The following FCAR variants were observed in gnomAD, a reference collection of about 807,000 sequenced individuals.
FCAR encodes the protein Fc alpha receptor.
FCAR carries 21 observed loss-of-function variants against 27.1 expected under a neutral mutation model. The ratio of observed to expected loss-of-function variants is 0.77; its 90% CI spans 0.55 to 1.11. FCAR has a LOEUF of 1.11. Ranked by LOEUF, FCAR falls within the 50% of genes most tolerant of loss-of-function variation. FCAR has a pLI of 0.00. For synonymous variants in FCAR, 134 were observed against 135.8 expected (o/e 0.99, Z 0.09); for missense variants, 404 against 358.4 (o/e 1.13, Z -1.03).
At chr19:54,886,785 C>T (rs2066756394) in intron 3 of FCAR, among the ~76,000 whole-genome samples, 1 of 152,264 alleles carries the variant, frequency 6.6e-6, no homozygotes, top group East Asian at 1.9e-4. Context: ...GGGTAGTGGT[C>T]CATTATTTTC....
chr19:54,885,591 T>C lies in FCAR; in HGVS notation c.361+66T>C, dbSNP rs1026557385. The C allele has an allele frequency of 2.4e-5, 31 of 1,272,794 alleles. No homozygotes were observed. The African/African-American group carries it at 3.0e-4, about 12-fold the overall frequency. The allele number at this position is 1,272,794 out of a possible 1,614,324, so 78.8% of individuals were successfully genotyped here. A position where few individuals can be genotyped will look rare whatever the true frequency, so the allele number is the denominator to read the frequency against. ...TTTCTTATTTTTAATAGAGTATTTT[T>C]CAAGAAGTTTTAGATTTACAAACAA... On this transcript the variant is annotated intron_variant, in intron 3 of 4. Coordinates refer to ENST00000355524, the MANE Select transcript of FCAR (RefSeq NM_002000.4).
At chr19:54,889,612 A>G (rs771106273) in intron 4 of FCAR, 37 bp from the exon 5 acceptor site, 5 of 1,552,310 alleles carry the variant, frequency 3.2e-6, no homozygotes, top group Non-Finnish European at 4.4e-6. Context: ...ATGGAACACA[A>G]CCACCAACCA....
At chr19:54,885,683 A>G (rs371677641) in intron 3 of FCAR, among the ~76,000 whole-genome samples, 158 bp downstream of exon 3, 55 of 152,374 alleles carry the variant, frequency 3.6e-4, no homozygotes, top group African/African-American at 1.3e-3. Flanking sequence ...CAGAGTTAAC[A>G]TCTTACATTA....
chr19:54,879,649 G>A (rs2066297278), intron 2 of FCAR, among the ~76,000 whole-genome samples: 1 of 150,396 alleles, frequency 6.6e-6, no homozygotes, highest in Non-Finnish European at 1.5e-5. Flanking sequence ...TAGGTGACCT[G>A]CCCCTTCTTT....
chr19:54,876,386 C>T (rs778691317), intron 2 of FCAR, among the ~76,000 whole-genome samples: 8 of 152,172 alleles, frequency 5.3e-5, no homozygotes, highest in Non-Finnish European at 8.8e-5. Flanking sequence ...TAGTGAGAGA[C>T]GGCATCCATG....
chr19:54,881,814 C>G (rs2066432622), intron 2 of FCAR, among the ~76,000 whole-genome samples: 1 of 149,978 alleles, frequency 6.7e-6, no homozygotes, highest in Non-Finnish European at 1.5e-5. Flanking sequence ...CCGGGAGGCG[C>G]AGCTTGCAGT....
rs587721662 is a variant in FCAR, at chr19:54,876,790, G to A, written c.70+1425G>A. ...AAAAAAATTAGCCAGGCGTGGTGGTGGGCACCTGTAGTCCCAGCTGCTCGG... is the reference window on the plus strand; with the variant it reads ...AAAAAAATTAGCCAGGCGTGGTGGTAGGCACCTGTAGTCCCAGCTGCTCGG... On this transcript the variant is annotated intron_variant, in intron 2 of 4. Coordinates refer to ENST00000355524, the MANE Select transcript of FCAR (RefSeq NM_002000.4). Among the ~76,000 whole-genome samples, 1,051 of 152,188 alleles carry A rather than the reference G, an allele frequency of 6.9e-3. 6 individuals carry two copies. The highest frequency in any genetic ancestry group is 0.012 in the Non-Finnish European group (828 of 68,004).
chr19:54,888,913 A>T, intron 4 of FCAR: 2 of 983,594 alleles, frequency 2.0e-6, no homozygotes, highest in Non-Finnish European at 2.4e-6. Flanking sequence ...AGAAAACACA[A>T]CCTGCCTGGC....
At chr19:54,877,678 T>C (rs931055238) in intron 2 of FCAR, among the ~76,000 whole-genome samples, 7 of 152,088 alleles carry the variant, frequency 4.6e-5, no homozygotes, top group Non-Finnish European at 1.0e-4. Context: ...CCTCTTGTTA[T>C]GATGTTAGGT....
intron 2 of FCAR, among the ~76,000 whole-genome samples, chr19:54,878,913 C>T (rs2066260166): frequency 8.0e-6 from 1 of 124,584 alleles, no homozygotes; most frequent in Non-Finnish European, 1.6e-5. Flanking sequence ...GAGTCTCACT[C>T]TGTCACCCAG....
intron 3 of FCAR, among the ~76,000 whole-genome samples, chr19:54,885,772 T>C (rs587764920): frequency 1.3e-5 from 2 of 152,332 alleles, no homozygotes; most frequent in South Asian, 4.1e-4. Context: ...TACATTTTCT[T>C]AGTTTTTACC....
At chr19:54,875,392 C>A in intron 2 of FCAR, 27 bp downstream of exon 2, 1 of 1,599,946 alleles carries the variant, frequency 6.3e-7, no homozygotes, top group Middle Eastern at 1.7e-4. Context: ...TCTCTCCCAG[C>A]CCCTTTAGAC....
chr19:54,878,111 G>A (rs1254279121), intron 2 of FCAR, among the ~76,000 whole-genome samples: 3 of 152,036 alleles, frequency 2.0e-5, no homozygotes, highest in Admixed American at 1.3e-4. Flanking sequence ...TAAAGACGGG[G>A]TTTCACTGCG....
chr19:54,886,116 C>T (rs961340722), intron 3 of FCAR, among the ~76,000 whole-genome samples: 1 of 151,790 alleles, frequency 6.6e-6, no homozygotes, highest in Non-Finnish European at 1.5e-5. Context: ...GGCCTGGTGG[C>T]ACACGCCTGT....
rs2066887634 is a variant in FCAR, at chr19:54,888,549, AT to A, written c.649+258del. 1.5e-5 allele frequency: 19 copies of A among 1,292,150 alleles called. No individual in the cohort carries two copies. The South Asian group carries it at 3.6e-4, about 24-fold the overall frequency. The allele number at this position is 1,292,150 out of a possible 1,614,324, so 80.0% of individuals were successfully genotyped here. ...TAACTCAGTTTGTTTCATTTTATTTATTTCATTTTATTTTCCGGGATAGAGT... is the reference window on the plus strand; with the variant it reads ...TAACTCAGTTTGTTTCATTTTATTTATTCATTTTATTTTCCGGGATAGAGT... On this transcript the variant is annotated intron_variant, in intron 4 of 4. Coordinates refer to ENST00000355524, the MANE Select transcript of FCAR (RefSeq NM_002000.4).
At chr19:54,883,472 C>T (rs1266828297) in intron 2 of FCAR, among the ~76,000 whole-genome samples, 1 of 152,178 alleles carries the variant, frequency 6.6e-6, no homozygotes, top group Non-Finnish European at 1.5e-5. Flanking sequence ...AGGCTGTATC[C>T]TTCCCCGGCC....
intron 2 of FCAR, among the ~76,000 whole-genome samples, chr19:54,877,019 T>A (rs1183391964): frequency 6.6e-6 from 1 of 152,206 alleles, no homozygotes; most frequent in Non-Finnish European, 1.5e-5. Flanking sequence ...TGTTGAGGAT[T>A]TTTGCATTTA....
chr19:54,875,714 C>T (rs587623569), intron 2 of FCAR, among the ~76,000 whole-genome samples: 52 of 152,284 alleles, frequency 3.4e-4, no homozygotes, highest in African/African-American at 1.2e-3. Context: ...CACTTCCTCC[C>T]GTCACTTCAT....
Position 54,889,671 on chromosome 19 carries a change from GA to G in FCAR, c.673del (p.Thr225ArgfsTer4), listed in dbSNP as rs749397946. The G allele has an allele frequency of 1.2e-6, 2 of 1,614,014 alleles. No individual in the cohort carries two copies. The highest frequency in any genetic ancestry group is 1.7e-6 in the Non-Finnish European group (2 of 1,179,930). ...VTDSIHQDYT[T>X]QNLIRMAVAG... is the part of the protein sequence containing the mutation. ...CAGACTCCATCCACCAAGATTACACGACGCAGAACTTGATCCGCATGGCCGT... is the reference window on the plus strand; with the variant it reads ...CAGACTCCATCCACCAAGATTACACGCGCAGAACTTGATCCGCATGGCCGT... On this transcript the variant is annotated frameshift_variant, in exon 5 of 5. Coordinates refer to ENST00000355524, the MANE Select transcript of FCAR (RefSeq NM_002000.4). LOFTEE classifies it high-confidence loss of function.
Sources: allele counts gnomAD v4.1 joint callset (sites outside exome capture counted in the v4.1 genomes callset), GRCh38; gene constraint gnomAD v4.1.1; transcripts MANE v1.5; gene names NCBI Gene and HGNC (gene_info 2026-07-23, HGNC 2026-07-21).